The following TENT4B variants were observed in gnomAD, a reference collection of about 807,000 sequenced individuals.
The protein encoded by TENT4B is terminal nucleotidyltransferase 4B.
In TENT4B, 10 loss-of-function variants were observed where a neutral mutation model predicts 75.0. That is an observed-to-expected ratio of 0.13 (90% CI 0.08 to 0.23). The LOEUF is 0.23. TENT4B is among the 10% of genes least tolerant of loss of function. TENT4B has a pLI of 1.00. For synonymous variants in TENT4B, 350 were observed against 357.7 expected (o/e 0.98, Z 0.24); for missense variants, 579 against 893.8 (o/e 0.65, Z 4.49).
chr16:50,191,849 G>T (rs2038646211), intron 1 of TENT4B, among the ~76,000 whole-genome samples: 1 of 152,102 alleles, frequency 6.6e-6, no homozygotes, highest in Non-Finnish European at 1.5e-5. Context: ...AACCTGGGAG[G>T]CGGAGGTTGC....
At chr16:50,182,621 A>G (rs888809320) in intron 1 of TENT4B, among the ~76,000 whole-genome samples, 1 of 152,142 alleles carries the variant, frequency 6.6e-6, no homozygotes, top group Non-Finnish European at 1.5e-5. Context: ...TTTTGTAAAT[A>G]CACTTTCCTA....
intron 1 of TENT4B, among the ~76,000 whole-genome samples, chr16:50,185,216 A>G (rs1483376099): frequency 6.6e-6 from 1 of 152,208 alleles, no homozygotes; most frequent in African/African-American, 2.4e-5. Context: ...TAAATTATCA[A>G]CCAATCTTAC....
Position 50,232,036 on chromosome 16 carries a change from C to T in TENT4B, c.*2708C>T, listed in dbSNP as rs976946391. The T allele has an allele frequency of 1.7e-5, 17 of 985,152 alleles. No individual in the cohort carries two copies. Among genetic ancestry groups the T allele is most frequent in the African/African-American group, 5.2e-5 (3 of 57,210 alleles). 61.0% of individuals were successfully genotyped at this position (985,152 alleles called of 1,614,324 possible). Reference sequence around the variant, plus strand: ...TACAAATTCTCCCTCACTCTGGTGACATTTCTCAGGCAGTCATGTATGTGT... The same window carrying T: ...TACAAATTCTCCCTCACTCTGGTGATATTTCTCAGGCAGTCATGTATGTGT... On this transcript the variant is annotated 3_prime_UTR_variant, in exon 12 of 12. Transcript: ENST00000561678.
chr16:50,175,246 A>G (rs1265835343), intron 1 of TENT4B, among the ~76,000 whole-genome samples: 2 of 152,006 alleles, frequency 1.3e-5, no homozygotes, highest in Non-Finnish European at 1.5e-5. Context: ...TTATCTTTTC[A>G]TTCTCTTAAA....
intron 1 of TENT4B, among the ~76,000 whole-genome samples, chr16:50,157,687 G>A (rs2037927173): frequency 6.6e-6 from 1 of 151,252 alleles, no homozygotes; most frequent in African/African-American, 2.4e-5. Context: ...GCCTTTGCCT[G>A]GGCTCAAGCC....
intron 1 of TENT4B, among the ~76,000 whole-genome samples, chr16:50,156,269 A>T (rs899176824): frequency 6.6e-6 from 1 of 152,170 alleles, no homozygotes; most frequent in Non-Finnish European, 1.5e-5. Flanking sequence ...AGTTTCAAAA[A>T]ATACATTAAA....
chr16:50,224,455 A>G (rs1234755657), intron 7 of TENT4B, among the ~76,000 whole-genome samples: 1 of 152,168 alleles, frequency 6.6e-6, no homozygotes, highest in East Asian at 1.9e-4. Context: ...CATTCCGGCA[A>G]CTGATACACC....
rs1375805386 is a variant in TENT4B, at chr16:50,229,371, A to G, written c.*43A>G. 1 of 1,576,212 alleles carries G rather than the reference A, an allele frequency of 6.3e-7. No homozygotes were observed. The highest frequency in any genetic ancestry group is 2.3e-5 in the East Asian group (1 of 44,298). On this transcript the variant is annotated 3_prime_UTR_variant, in exon 12 of 12. Transcript: ENST00000561678. ...ACTGTCTTCTCTGTGCAATGATCTCATGCTCAGGACAGTTGCGCAGGGACT... is the reference window on the plus strand; with the variant it reads ...ACTGTCTTCTCTGTGCAATGATCTCGTGCTCAGGACAGTTGCGCAGGGACT...
At chr16:50,178,874 T>C (rs2038358215) in intron 1 of TENT4B, among the ~76,000 whole-genome samples, 1 of 152,116 alleles carries the variant, frequency 6.6e-6, no homozygotes, top group African/African-American at 2.4e-5. Context: ...TAAAAAGTTA[T>C]GGAGGTGGAT....
chr16:50,202,472 A>C (rs1424495863), intron 1 of TENT4B, among the ~76,000 whole-genome samples: 2 of 152,366 alleles, frequency 1.3e-5, no homozygotes, highest in African/African-American at 4.8e-5. Context: ...CTTGTAGCTA[A>C]GGAAAGATTA....
At chr16:50,156,559 G>A (rs558116662) in intron 1 of TENT4B, among the ~76,000 whole-genome samples, 52 of 152,144 alleles carry the variant, frequency 3.4e-4, no homozygotes, top group South Asian at 2.5e-3. Context: ...GGTCAGGCTG[G>A]TCTCGAACTC....
Position 50,234,179 on chromosome 16 carries a change from C to T in TENT4B, c.*4851C>T. 1.0e-6 allele frequency: 1 copy of T among 985,516 alleles called. No homozygotes were observed. The highest frequency in any genetic ancestry group is 1.2e-6 in the Non-Finnish European group (1 of 830,008). 61.0% of individuals were successfully genotyped at this position (985,516 alleles called of 1,614,324 possible). On this transcript the variant is annotated 3_prime_UTR_variant, in exon 12 of 12. Coordinates refer to ENST00000561678, the MANE Select transcript of TENT4B (RefSeq NM_001365324.3). ...AAGTAAACAAGTTGCTCAGGCCGGG[C>T]ATGGTGGCTCACGCCTGTAATCCCA...
At position 50,214,385 on chromosome 16, in the gene TENT4B, G is replaced by A. The variant is rs968729766; in HGVS notation, c.809+118G>A. ...ATAAAACAAAATGGGGCTGGGCATGGTGGCTCATGCCTGTAATCCTAGCAC... is the reference window on the plus strand; with the variant it reads ...ATAAAACAAAATGGGGCTGGGCATGATGGCTCATGCCTGTAATCCTAGCAC... On this transcript the variant is annotated intron_variant, in intron 3 of 11. Transcript: ENST00000561678. 11 of 753,148 alleles carry A rather than the reference G, an allele frequency of 1.5e-5. No homozygotes were observed. In the African/African-American group the frequency reaches 1.8e-4, roughly 12 times the overall value. 46.7% of individuals were successfully genotyped at this position (753,148 alleles called of 1,614,324 possible).
intron 1 of TENT4B, among the ~76,000 whole-genome samples, chr16:50,176,379 C>T (rs1384692650): frequency 2.0e-5 from 3 of 151,766 alleles, no homozygotes; most frequent in Non-Finnish European, 4.4e-5. Context: ...ACCACTACGC[C>T]CAGCCTACAA....
At chr16:50,184,117 G>A (rs2038477772) in intron 1 of TENT4B, among the ~76,000 whole-genome samples, 1 of 152,074 alleles carries the variant, frequency 6.6e-6, no homozygotes, top group Non-Finnish European at 1.5e-5. Context: ...GGATTTGACT[G>A]TTTTGGACAT....
At position 50,232,545 on chromosome 16, in the gene TENT4B, G is replaced by C. The variant is rs1388345575; in HGVS notation, c.*3217G>C. ...TGCTCCTTCCCTCCCCCATGAAATG[G>C]TAAGTGTGACTTGTGTTTGCCTGAA... is the stretch of plus-strand genomic sequence containing the variant. On this transcript the variant is annotated 3_prime_UTR_variant, in exon 12 of 12. Transcript: ENST00000561678. 7 of 985,114 alleles carry C rather than the reference G, an allele frequency of 7.1e-6. No individual in the cohort carries two copies. The highest frequency in any genetic ancestry group is 8.4e-6 in the Non-Finnish European group (7 of 829,920). 61.0% of individuals were successfully genotyped at this position (985,114 alleles called of 1,614,324 possible).
chr16:50,171,689 GCA>G (rs2038209368), intron 1 of TENT4B, among the ~76,000 whole-genome samples: 1 of 152,068 alleles, frequency 6.6e-6, no homozygotes, highest in Non-Finnish European at 1.5e-5. Context: ...TGTAGGCCAG[GCA>G]CAGTGACTTA....
chr16:50,153,477 C>T lies in TENT4B; in HGVS notation c.-145C>T. 14 of 970,336 alleles carry T rather than the reference C, an allele frequency of 1.4e-5. No homozygotes were observed. The highest frequency in any genetic ancestry group is 1.7e-5 in the Non-Finnish European group (14 of 819,680). The allele number at this position is 970,336 out of a possible 1,614,324, so 60.1% of individuals were successfully genotyped here. The stretch of plus-strand genomic sequence containing the variant: ...GCTCCCTGCGCGACCGCGCCGCCCG[C>T]GGCGGGCCCCGAGCAGCAGCAGCAG... On this transcript the variant is annotated 5_prime_UTR_variant, in exon 1 of 12. Transcript: ENST00000561678.
intron 1 of TENT4B, among the ~76,000 whole-genome samples, chr16:50,180,374 AT>A (rs1205579972): frequency 6.6e-6 from 1 of 152,110 alleles, no homozygotes; most frequent in Non-Finnish European, 1.5e-5. Flanking sequence ...GAGTGCTGGG[AT>A]TACAGGCATG....
Sources: allele counts gnomAD v4.1 joint callset (sites outside exome capture counted in the v4.1 genomes callset), GRCh38; gene constraint gnomAD v4.1.1; transcripts MANE v1.5; gene names NCBI Gene and HGNC (gene_info 2026-07-23, HGNC 2026-07-21).